The following SLC4A7 variants were observed in gnomAD, a reference collection of about 807,000 sequenced individuals.
SLC4A7 encodes solute carrier family 4 member 7.
SLC4A7 carries 51 observed loss-of-function variants against 137.6 expected under a neutral mutation model. The ratio of observed to expected loss-of-function variants is 0.37; its 90% CI spans 0.30 to 0.47. SLC4A7 has a LOEUF of 0.47. Ranked by LOEUF, SLC4A7 falls within the 20% of genes least tolerant of loss-of-function variation. The pLI is 1.00. For synonymous variants in SLC4A7, 542 were observed against 518.6 expected (o/e 1.05, Z -0.61); for missense variants, 1,247 against 1,525.4 (o/e 0.82, Z 3.04).
chr3:27,426,876 G>A (rs1017701375), intron 7 of SLC4A7, among the ~76,000 whole-genome samples: 7 of 146,564 alleles, frequency 4.8e-5, no homozygotes, highest in Non-Finnish European at 9.3e-5. Flanking sequence ...CATTCACAAT[G>A]AGCAAATTAC....
chr3:27,377,433 C>T (rs6789070), intron 25 of SLC4A7, among the ~76,000 whole-genome samples: 43,784 of 151,942 alleles, frequency 0.29, 7,999 homozygotes, highest in East Asian at 0.74. Flanking sequence ...GCTCTTGTTG[C>T]CCAGGCTGGA....
At chr3:27,483,322 G>T (rs942846563) in intron 1 of SLC4A7, among the ~76,000 whole-genome samples, 2 of 152,242 alleles carry the variant, frequency 1.3e-5, no homozygotes, top group Non-Finnish European at 2.9e-5. Flanking sequence ...GCCAGTCTCA[G>T]TAGGAAACGC....
chr3:27,422,849 C>T (rs745531454), intron 8 of SLC4A7: 23 of 454,912 alleles, frequency 5.1e-5, no homozygotes, highest in Non-Finnish European at 8.9e-5. Flanking sequence ...TCCTGCCCAA[C>T]AGGAGACAAG....
chr3:27,387,797 A>C (rs912665940), intron 22 of SLC4A7, among the ~76,000 whole-genome samples: 1 of 152,162 alleles, frequency 6.6e-6, no homozygotes, highest in Non-Finnish European at 1.5e-5. Context: ...AGGAATGCCA[A>C]AGACAGCCAG....
At position 27,452,417 on chromosome 3, in the gene SLC4A7, T is replaced by C; in HGVS notation, c.142A>G (p.Ser48Gly). 2.5e-6 allele frequency: 4 copies of C among 1,593,896 alleles called. No homozygotes were observed. Among genetic ancestry groups the C allele is most frequent in the Non-Finnish European group, 3.4e-6 (4 of 1,170,938 alleles). ...AGTAAGTTATTTTAAACCAACTTAC[T>C]TTCTAGTTCTTCTTTTTCAAACTTG... is the stretch of plus-strand genomic sequence containing the variant. Reference protein sequence around the residue: ...NTKFEKEELESHRAVYIGVHV... With the variant: ...NTKFEKEELEGHRAVYIGVHV... Residue 48 changes from serine to glycine, a missense_variant and splice_region_variant, in exon 2 of 26, where the codon AGT (serine) becomes GGT (glycine). Ser to Gly is a moderately conservative substitution (Grantham distance 56). This residue lies in a region of SLC4A7 where 176 missense variants were observed against 186.4 expected (regional missense o/e 0.94). Transcript: ENST00000454389.
chr3:27,386,728 C>G (rs1379786058), intron 22 of SLC4A7, among the ~76,000 whole-genome samples: 2 of 152,090 alleles, frequency 1.3e-5, no homozygotes, highest in Non-Finnish European at 2.9e-5. Flanking sequence ...ATTATCACGT[C>G]AAATATAGCA....
intron 1 of SLC4A7, among the ~76,000 whole-genome samples, chr3:27,456,433 C>G (rs925264124): frequency 2.0e-5 from 3 of 152,086 alleles, no homozygotes; most frequent in African/African-American, 7.2e-5. Flanking sequence ...ATTAACTATC[C>G]AAAGAGTTAG....
chr3:27,418,066 A>G (rs1397267510), intron 11 of SLC4A7, among the ~76,000 whole-genome samples: 1 of 152,192 alleles, frequency 6.6e-6, no homozygotes, highest in Non-Finnish European at 1.5e-5. Context: ...TGAAATAGCA[A>G]AAGACTGGTA....
chr3:27,381,073 C>A (rs893340418), intron 24 of SLC4A7, among the ~76,000 whole-genome samples: 2 of 152,176 alleles, frequency 1.3e-5, no homozygotes, highest in Non-Finnish European at 2.9e-5. Context: ...CACAAATAAT[C>A]CAAAGCTATT....
chr3:27,415,497 T>C (rs906142879), intron 11 of SLC4A7, among the ~76,000 whole-genome samples: 8 of 152,228 alleles, frequency 5.3e-5, no homozygotes, highest in African/African-American at 4.8e-5. Flanking sequence ...TCTTTCTTAC[T>C]AATAAATGTC....
chr3:27,412,398 G>C (rs1385702536), intron 11 of SLC4A7, among the ~76,000 whole-genome samples: 1 of 152,180 alleles, frequency 6.6e-6, no homozygotes, highest in Non-Finnish European at 1.5e-5. Context: ...AAGATGGTAG[G>C]AAAGATGGAA....
At position 27,400,879 on chromosome 3, in the gene SLC4A7, T is replaced by G; in HGVS notation, c.2322-10A>C. ...TTCAGTACATACACATCTGAGAAAT[T>G]AGAGTAGGATACATTTTTAAGGATC... On this transcript the variant is annotated splice_polypyrimidine_tract_variant and intron_variant, in intron 15 of 25. Coordinates refer to ENST00000454389, the MANE Select transcript of SLC4A7 (RefSeq NM_001321103.2). The G allele has an allele frequency of 1.4e-6, 2 of 1,388,052 alleles. No homozygotes were observed. The highest frequency in any genetic ancestry group is 2.0e-6 in the Non-Finnish European group (2 of 981,336). 86.0% of individuals were successfully genotyped at this position (1,388,052 alleles called of 1,614,324 possible).
chr3:27,426,396 T>C (rs2055625104), intron 7 of SLC4A7, among the ~76,000 whole-genome samples: 1 of 152,118 alleles, frequency 6.6e-6, no homozygotes, highest in Non-Finnish European at 1.5e-5. Flanking sequence ...TTAACCAGTG[T>C]TTTTCAGTGA....
intron 3 of SLC4A7, among the ~76,000 whole-genome samples, chr3:27,441,662 A>AT (rs1221692985): frequency 6.6e-6 from 1 of 151,666 alleles, no homozygotes; most frequent in Non-Finnish European, 1.5e-5. Context: ...GTAATTTTTT[A>AT]TTTTTTGTAG....
chr3:27,401,668 C>A (rs1216054243), intron 15 of SLC4A7, among the ~76,000 whole-genome samples: 1 of 152,120 alleles, frequency 6.6e-6, no homozygotes, highest in Non-Finnish European at 1.5e-5. Context: ...AGTAACACTA[C>A]AAATATAAAT....
At chr3:27,452,775 T>A (rs1000532913) in intron 1 of SLC4A7, among the ~76,000 whole-genome samples, 1 of 152,196 alleles carries the variant, frequency 6.6e-6, no homozygotes, top group African/African-American at 2.4e-5. Flanking sequence ...ATTCATTTCA[T>A]CCTCAAAAGA....
In SLC4A7 at chr3:27,458,049, A is replaced by G. The variant is rs1038353885; in HGVS notation, c.61-5551T>C. On this transcript the variant is annotated intron_variant, in intron 1 of 25. Coordinates refer to ENST00000454389, the MANE Select transcript of SLC4A7 (RefSeq NM_001321103.2). ...AAAATAACAGCTAGTTGAGTTCACA[A>G]TTCAGGCAATTAACCAGTGATTTTT... is the stretch of plus-strand genomic sequence containing the variant. Among the ~76,000 whole-genome samples the G allele has an allele frequency of 5.3e-5, 8 of 152,212 alleles. 1 individual carries two copies. The highest frequency in any genetic ancestry group is 1.7e-4 in the African/African-American group (7 of 41,458).
intron 13 of SLC4A7, among the ~76,000 whole-genome samples, chr3:27,407,932 G>A (rs186958637): frequency 3.9e-5 from 6 of 152,148 alleles, no homozygotes; most frequent in African/African-American, 1.2e-4. Context: ...CTCTGGGACC[G>A]TATCTCCTAA....
At chr3:27,379,215 T>C (rs1012980950) in intron 25 of SLC4A7, 34 bp downstream of exon 25, 1 of 1,178,686 alleles carries the variant, frequency 8.5e-7, no homozygotes, top group Non-Finnish European at 1.2e-6. Context: ...GAAAATTGGC[T>C]ACAGTTAGAA....
Sources: allele counts gnomAD v4.1 joint callset (sites outside exome capture counted in the v4.1 genomes callset), GRCh38; gene constraint gnomAD v4.1.1; regional missense constraint gnomAD v4.1.1; transcripts MANE v1.5; gene names NCBI Gene and HGNC (gene_info 2026-07-23, HGNC 2026-07-21).